VPS13B: variants seen among roughly 807,000 people sequenced by gnomAD.
VPS13B encodes vacuolar protein sorting 13 homolog B.
A neutral mutation model predicts 426.4 loss-of-function variants in VPS13B; 285 were observed. The ratio of observed to expected loss-of-function variants is 0.67; its 90% confidence interval spans 0.61 to 0.74. The LOEUF (loss-of-function observed/expected upper bound fraction) is 0.74. Among genes scored for constraint, VPS13B ranks in the 30% least tolerant of loss-of-function variants. The probability of loss-of-function intolerance (pLI) is 0.00; values close to 1 mark genes in which losing one functional copy is unlikely to be tolerated. For synonymous variants in VPS13B, 1,676 were observed against 1,676.4 expected (o/e 1.00, Z 0.01); for missense variants, 4,537 against 4,782.6 (o/e 0.95, Z 1.51).
chr8:99,496,479 G>A lies in VPS13B; in HGVS notation c.3871-5208G>A, dbSNP rs914266174. 6.6e-5 allele frequency among the ~76,000 whole-genome samples: 10 copies of A among 152,110 alleles called. No homozygotes were observed. The East Asian group carries it at 1.2e-3, about 18-fold the overall frequency. ...ATCCTGGCTAACACAGTGAAACCCCGTTTCTACTAAAAATATAAAAACTTA... is the reference window on the plus strand; with the variant it reads ...ATCCTGGCTAACACAGTGAAACCCCATTTCTACTAAAAATATAAAAACTTA... On this transcript the variant is annotated intron_variant, in intron 25 of 61. Coordinates refer to ENST00000357162, the MANE Select transcript of VPS13B (RefSeq NM_152564.5).
intron 21 of VPS13B, among the ~76,000 whole-genome samples, chr8:99,428,345 C>T (rs536056529): frequency 5.8e-4 from 89 of 152,204 alleles, no homozygotes; most frequent in Non-Finnish European, 8.4e-4. Flanking sequence ...TCAGAGTGAA[C>T]AGGCAACCTA....
intron 29 of VPS13B, among the ~76,000 whole-genome samples, chr8:99,516,758 A>C (rs1024216455): frequency 7.4e-6 from 1 of 135,578 alleles, no homozygotes; most frequent in Non-Finnish European, 1.5e-5. Flanking sequence ...ACCAAACTCC[A>C]GCCTGGGTGA....
chr8:99,436,640 T>C (rs973020711), intron 22 of VPS13B, among the ~76,000 whole-genome samples: 2 of 152,216 alleles, frequency 1.3e-5, no homozygotes, highest in Non-Finnish European at 2.9e-5. Flanking sequence ...ATTTAAACAT[T>C]TCCAGATGTT....
intron 19 of VPS13B, among the ~76,000 whole-genome samples, chr8:99,293,233 T>C (rs574984800): frequency 1.7e-4 from 22 of 132,288 alleles, no homozygotes; most frequent in South Asian, 8.1e-4. Context: ...TCAGAAATAA[T>C]GCCGCATACC....
chr8:99,658,336 A>G (rs1830095397), intron 34 of VPS13B, among the ~76,000 whole-genome samples: 1 of 152,188 alleles, frequency 6.6e-6, no homozygotes, highest in Admixed American at 6.5e-5. Context: ...AGGAGCTCCT[A>G]CAAATCAGTA....
At chr8:99,219,428 A>G (rs74389024) in intron 17 of VPS13B, among the ~76,000 whole-genome samples, 1,545 of 152,336 alleles carry the variant, frequency 0.01, 31 homozygotes, top group African/African-American at 0.035. Flanking sequence ...TGGCAAAATG[A>G]GGGTTAAAGT....
intron 43 of VPS13B, among the ~76,000 whole-genome samples, chr8:99,797,795 A>C (rs1352244597): frequency 6.6e-6 from 1 of 152,156 alleles, no homozygotes; most frequent in African/African-American, 2.4e-5. Flanking sequence ...TTCTATGAAA[A>C]TTTTTGTTGT....
chr8:99,302,391 C>T (rs915609474), intron 19 of VPS13B, among the ~76,000 whole-genome samples: 1 of 152,164 alleles, frequency 6.6e-6, no homozygotes, highest in Non-Finnish European at 1.5e-5. Context: ...CTTGGCTTAG[C>T]CTACCTTAAA....
chr8:99,109,447 G>A (rs1172278578), intron 5 of VPS13B, among the ~76,000 whole-genome samples: 1 of 150,026 alleles, frequency 6.7e-6, no homozygotes. Flanking sequence ...GCAGTGGTGT[G>A]ATCTTGGCTC....
At chr8:99,733,593 C>T (rs888405220) in intron 39 of VPS13B, among the ~76,000 whole-genome samples, 8 of 152,110 alleles carry the variant, frequency 5.3e-5, no homozygotes, top group African/African-American at 1.7e-4. Context: ...CTTGTTCTGT[C>T]CTAGATTTTG....
intron 36 of VPS13B, among the ~76,000 whole-genome samples, chr8:99,713,321 A>T (rs1289178099): frequency 6.6e-6 from 1 of 152,070 alleles, no homozygotes; most frequent in Non-Finnish European, 1.5e-5. Flanking sequence ...GCTTTTTTTT[A>T]GTAGATAATT....
At chr8:99,603,253 A>G (rs1191783071) in intron 33 of VPS13B, among the ~76,000 whole-genome samples, 1 of 152,226 alleles carries the variant, frequency 6.6e-6, no homozygotes, top group Non-Finnish European at 1.5e-5. Context: ...CACAGATGCA[A>G]GTGCAGCACT....
At chr8:99,100,323 T>G (rs984597098) in intron 4 of VPS13B, among the ~76,000 whole-genome samples, 1 of 152,136 alleles carries the variant, frequency 6.6e-6, no homozygotes, top group African/African-American at 2.4e-5. Context: ...ACGGTTTCAC[T>G]CCTGTCACCC....
intron 21 of VPS13B, among the ~76,000 whole-genome samples, chr8:99,392,149 T>C (rs970060214): frequency 6.6e-6 from 1 of 152,160 alleles, no homozygotes; most frequent in African/African-American, 2.4e-5. Flanking sequence ...AAAAGACCCA[T>C]AGAGAATTAT....
intron 35 of VPS13B, among the ~76,000 whole-genome samples, chr8:99,672,855 G>A (rs1362463378): frequency 6.6e-6 from 1 of 151,978 alleles, no homozygotes; most frequent in Non-Finnish European, 1.5e-5. Flanking sequence ...ATCACGAAGG[G>A]ATTTTGAATT....
intron 3 of VPS13B, among the ~76,000 whole-genome samples, chr8:99,073,435 A>ATTT (rs1563522057): frequency 6.6e-6 from 1 of 151,732 alleles, no homozygotes; most frequent in Non-Finnish European, 1.5e-5. Flanking sequence ...TTGTAGAGTT[A>ATTT]TTTTTTACCT....
chr8:99,180,893 T>C (rs1200889995), intron 16 of VPS13B, among the ~76,000 whole-genome samples: 1 of 152,184 alleles, frequency 6.6e-6, no homozygotes, highest in Non-Finnish European at 1.5e-5. Context: ...ATTAACCATC[T>C]TTTTTGTGTA....
intron 19 of VPS13B, among the ~76,000 whole-genome samples, chr8:99,285,545 G>T (rs910316180): frequency 1.2e-4 from 18 of 152,042 alleles, no homozygotes; most frequent in African/African-American, 4.3e-4. Context: ...TTTGTTTAAA[G>T]TATGTTTTAT....
chr8:99,251,091 T>G (rs945578397), intron 17 of VPS13B, among the ~76,000 whole-genome samples: 1 of 152,194 alleles, frequency 6.6e-6, no homozygotes, highest in African/African-American at 2.4e-5. Context: ...TACATAGTTA[T>G]GTTAAATGCA....
Sources: allele counts gnomAD v4.1 joint callset (sites outside exome capture counted in the v4.1 genomes callset), GRCh38; gene constraint gnomAD v4.1.1; transcripts MANE v1.5; gene names NCBI Gene and HGNC (gene_info 2026-07-23, HGNC 2026-07-21).